PRKAG2: variants seen among roughly 807,000 people sequenced by gnomAD.
PRKAG2 encodes protein kinase AMP-activated non-catalytic subunit gamma 2.
In PRKAG2, 26 loss-of-function variants were observed where a neutral mutation model predicts 69.6. The ratio of observed to expected loss-of-function variants is 0.37; its 90% CI spans 0.27 to 0.52. The LOEUF (loss-of-function observed/expected upper bound fraction) is 0.52, where lower values mean the gene tolerates loss of function less well. Among genes scored for constraint, PRKAG2 ranks in the 20% least tolerant of loss-of-function variants. The pLI is 0.90. For missense variants in PRKAG2, 557 were observed against 740.0 expected (o/e 0.75, Z 2.87); for synonymous variants, 293 against 285.0 (o/e 1.03, Z -0.28).
At chr7:151,846,790 T>C (rs2079442892) in intron 1 of PRKAG2, among the ~76,000 whole-genome samples, 1 of 152,270 alleles carries the variant, frequency 6.6e-6, no homozygotes, top group East Asian at 1.9e-4. Context: ...ATAAATGCCA[T>C]GTCCTACAGT....
Position 151,771,676 on chromosome 7 carries a change from C to T in PRKAG2, c.466+9476G>A, listed in dbSNP as rs2076029068. 6.6e-6 allele frequency among the ~76,000 whole-genome samples: 1 copy of T among 152,160 alleles called. No homozygotes were observed. Among genetic ancestry groups the T allele is most frequent in the South Asian group, 2.1e-4 (1 of 4,832 alleles). On this transcript the variant is annotated intron_variant, in intron 3 of 15. Coordinates refer to ENST00000287878, the MANE Select transcript of PRKAG2 (RefSeq NM_016203.4). The surrounding 1 kb of genome is among the most constrained non-coding windows in gnomAD (Gnocchi z 4.0). ...TCTTTGTACATTAGGGATATTAGTC[C>T]TCCATCAATTCATCATCTCCTTCTG...
At chr7:151,578,516 C>A (rs1809538356) in intron 6 of PRKAG2, among the ~76,000 whole-genome samples, 1 of 152,116 alleles carries the variant, frequency 6.6e-6, no homozygotes, top group Non-Finnish European at 1.5e-5. Flanking sequence ...ATGCATGTAC[C>A]TAGTTCACCT....
At chr7:151,704,790 C>T (rs372100394) in intron 3 of PRKAG2, among the ~76,000 whole-genome samples, 6 of 152,302 alleles carry the variant, frequency 3.9e-5, no homozygotes, top group East Asian at 1.9e-4. Context: ...CCTCCCGGGG[C>T]GCCACGGCTT....
At chr7:151,701,876 A>G (rs1837763581) in intron 3 of PRKAG2, among the ~76,000 whole-genome samples, 1 of 150,226 alleles carries the variant, frequency 6.7e-6, no homozygotes, top group African/African-American at 2.5e-5. Flanking sequence ...GATTGCCGAG[A>G]ACTGCCAGAG....
chr7:151,772,645 T>C (rs2151782282), intron 3 of PRKAG2, among the ~76,000 whole-genome samples: 1 of 152,228 alleles, frequency 6.6e-6, no homozygotes, highest in East Asian at 1.9e-4. Context: ...GTTTTGGAGG[T>C]ACATTACTTA....
intron 1 of PRKAG2, among the ~76,000 whole-genome samples, chr7:151,817,462 T>C (rs1323864703): frequency 6.6e-6 from 1 of 152,122 alleles, no homozygotes; most frequent in Non-Finnish European, 1.5e-5. Flanking sequence ...ACCCCACTTC[T>C]TCAGCATGGG....
chr7:151,609,706 G>A (rs567891444), intron 5 of PRKAG2, among the ~76,000 whole-genome samples: 1 of 152,090 alleles, frequency 6.6e-6, no homozygotes, highest in East Asian at 1.9e-4. Flanking sequence ...CACTTCTTTT[G>A]GTCCAGTCCT....
intron 1 of PRKAG2, among the ~76,000 whole-genome samples, chr7:151,868,010 C>T (rs548758343): frequency 7.2e-5 from 11 of 152,276 alleles, no homozygotes; most frequent in East Asian, 5.8e-4. Flanking sequence ...ATGGAAAAGA[C>T]GCTGGGAGCC....
intron 3 of PRKAG2, among the ~76,000 whole-genome samples, chr7:151,717,252 GAA>G (rs79756428): frequency 0.073 from 6,854 of 94,112 alleles, 541 homozygotes; most frequent in African/African-American, 0.23. Context: ...ATGTCAAAAA[GAA>G]AAAAAAAAAA....
In PRKAG2 at chr7:151,756,752, C is replaced by T. The variant is rs928750320; in HGVS notation, c.466+24400G>A. 6.6e-5 allele frequency among the ~76,000 whole-genome samples: 10 copies of T among 152,142 alleles called. No individual in the cohort carries two copies. Among genetic ancestry groups the T allele is most frequent in the East Asian group, 1.9e-4 (1 of 5,176 alleles). The stretch of plus-strand genomic sequence containing the variant: ...GGATTTTCCTTACTCATCGGTGGGT[C>T]GCTTCCCAAACTCTAGTCTGGCGTC... On this transcript the variant is annotated intron_variant, in intron 3 of 15. Transcript: ENST00000287878. This position sits in a 1 kb window ranked among gnomAD's most constrained non-coding sequence, Gnocchi z 4.9.
chr7:151,569,156 C>T (rs184391641), intron 10 of PRKAG2, among the ~76,000 whole-genome samples: 125 of 152,120 alleles, frequency 8.2e-4, no homozygotes, highest in Middle Eastern at 3.4e-3. Flanking sequence ...CTCAGGTGAT[C>T]CTCCCACCTC....
At chr7:151,570,149 A>G (rs781317046) in intron 10 of PRKAG2, 22 bp downstream of exon 10, 1 of 1,593,182 alleles carries the variant, frequency 6.3e-7, no homozygotes, top group Admixed American at 1.7e-5. Flanking sequence ...AATGTTTTCA[A>G]AGAAAAAAAA....
Position 151,860,127 on chromosome 7 carries a change from C to T in PRKAG2, c.114+16380G>A, listed in dbSNP as rs111254644. Among the ~76,000 whole-genome samples the T allele has an allele frequency of 2.4e-3, 359 of 152,298 alleles. 1 individual carries two copies. The highest frequency in any genetic ancestry group is 4.5e-3 in the African/African-American group (187 of 41,576). On this transcript the variant is annotated intron_variant, in intron 1 of 15. Transcript: ENST00000287878. Reference sequence around the variant, plus strand: ...CACTAACAGGGCTCCATCTGCCTATCGGATGCTTTCATCCACCTTCCATTA... The same window carrying T: ...CACTAACAGGGCTCCATCTGCCTATTGGATGCTTTCATCCACCTTCCATTA...
At chr7:151,557,899 CA>C (rs943294744) in intron 15 of PRKAG2, 74 of 946,870 alleles carry the variant, frequency 7.8e-5, no homozygotes, top group South Asian at 2.0e-4. Context: ...AACAAAAAAA[CA>C]AAAAAAAAAC....
intron 1 of PRKAG2, among the ~76,000 whole-genome samples, chr7:151,856,289 TC>T (rs2079773473): frequency 6.6e-6 from 1 of 152,190 alleles, no homozygotes; most frequent in Non-Finnish European, 1.5e-5. Context: ...GGAAACCAGG[TC>T]CCCAAAGTCC....
intron 4 of PRKAG2, among the ~76,000 whole-genome samples, chr7:151,658,483 A>T (rs1358053844): frequency 6.8e-5 from 2 of 29,316 alleles, no homozygotes; most frequent in East Asian, 2.7e-3. Context: ...AGATTGTCGC[A>T]AAAAAAAAAA....
At chr7:151,693,471 G>A (rs965057124) in intron 3 of PRKAG2, among the ~76,000 whole-genome samples, 3 of 152,214 alleles carry the variant, frequency 2.0e-5, no homozygotes, top group Admixed American at 1.3e-4. Context: ...CTAGGCCCAC[G>A]AGAGGGTTCT....
chr7:151,794,357 G>A (rs1469197653), intron 1 of PRKAG2, among the ~76,000 whole-genome samples: 9 of 152,246 alleles, frequency 5.9e-5, no homozygotes, highest in Admixed American at 1.3e-4. Context: ...CTGCATTCAC[G>A]TCTTATGTGG....
chr7:151,678,179 C>T (rs1477420197), intron 3 of PRKAG2, among the ~76,000 whole-genome samples: 1 of 152,210 alleles, frequency 6.6e-6, no homozygotes, highest in Non-Finnish European at 1.5e-5. Context: ...TTTCACTGTC[C>T]TGTATGTTAC....
Sources: gnomAD v4.1 joint callset for allele counts (sites outside exome capture counted in the v4.1 genomes callset) on GRCh38, gnomAD v4.1.1 for gene constraint, Gnocchi (gnomAD v3.1) non-coding constraint, MANE v1.5 for transcripts, NCBI Gene and HGNC (gene_info 2026-07-23, HGNC 2026-07-21) for gene names.